Variants in DOCK1 observed in about 807,000 individuals in gnomAD.
DOCK1 encodes the protein dedicator of cytokinesis 1, also known as dedicator of cytokinesis protein 1.
A neutral mutation model predicts 262.7 loss-of-function variants in DOCK1; 138 were observed. The observed-to-expected ratio is 0.53, with a 90% CI of 0.46 to 0.61. The LOEUF (loss-of-function observed/expected upper bound fraction) is 0.61, where lower values mean the gene tolerates loss of function less well. Ranked by LOEUF, DOCK1 falls within the 20% of genes least tolerant of loss-of-function variation. The probability of loss-of-function intolerance (pLI) is 0.00; values close to 1 mark genes in which losing one functional copy is unlikely to be tolerated. For missense variants in DOCK1, 1,908 were observed against 2,370.7 expected (o/e 0.80, Z 4.05); for synonymous variants, 866 against 867.4 (o/e 1.00, Z 0.03).
At position 127,451,720 on chromosome 10, in the gene DOCK1, A is replaced by G. The variant is rs536249536; in HGVS notation, c.*293A>G. The G allele has an allele frequency of 4.3e-6, 2 of 468,280 alleles. No homozygotes were observed. The highest frequency in any genetic ancestry group is 7.1e-6 in the Non-Finnish European group (2 of 280,246). The allele number at this position is 468,280 out of a possible 1,614,324, so 29.0% of individuals were successfully genotyped here. A position where few individuals can be genotyped will look rare whatever the true frequency, so the allele number is the denominator to read the frequency against. On this transcript the variant is annotated 3_prime_UTR_variant, in exon 52 of 52. Coordinates refer to ENST00000623213, the MANE Select transcript of DOCK1 (RefSeq NM_001290223.2). The stretch of plus-strand genomic sequence containing the variant: ...GAGAGAGTCTGAGTCTTGCCCAAAC[A>G]TTCTTTCTTTTTGTGCCAAATGACT...
chr10:127,209,128 C>G (rs1278319471), intron 27 of DOCK1, among the ~76,000 whole-genome samples: 1 of 152,076 alleles, frequency 6.6e-6, no homozygotes, highest in Non-Finnish European at 1.5e-5. Flanking sequence ...GATCCAGAAT[C>G]AGTTCCTTGG....
At chr10:127,127,834 G>C in intron 27 of DOCK1, 70 bp downstream of exon 27, 1 of 1,357,724 alleles carries the variant, frequency 7.4e-7, no homozygotes, top group Non-Finnish European at 1.0e-6. Flanking sequence ...ACTGCTGTTT[G>C]AACATAGCTT....
intron 27 of DOCK1, among the ~76,000 whole-genome samples, chr10:127,234,273 AG>A: frequency 6.6e-6 from 1 of 152,302 alleles, no homozygotes; most frequent in Admixed American, 6.5e-5. Context: ...TGATGTATTT[AG>A]AAACCCTCTC....
intron 1 of DOCK1, among the ~76,000 whole-genome samples, chr10:126,931,213 T>A (rs1286574139): frequency 6.6e-6 from 1 of 152,164 alleles, no homozygotes; most frequent in African/African-American, 2.4e-5. Context: ...AAGCCTCTCA[T>A]GAGCTTAGAC....
At chr10:127,268,809 G>A (rs2060465608) in intron 29 of DOCK1, among the ~76,000 whole-genome samples, 3 of 152,138 alleles carry the variant, frequency 2.0e-5, no homozygotes, top group South Asian at 4.1e-4. Flanking sequence ...GAGCAAGATG[G>A]CATTGGAATC....
rs181079483 is a variant in DOCK1, at chr10:127,354,374, C to T, written c.3225-295C>T. On this transcript the variant is annotated intron_variant, in intron 31 of 51. Coordinates refer to ENST00000623213, the MANE Select transcript of DOCK1 (RefSeq NM_001290223.2). ...GCATGGAACCAAGCTCCCCCTTGGG[C>T]CCAGGAGCCAAGAGATTGAAGAAAG... is the stretch of plus-strand genomic sequence containing the variant. Among the ~76,000 whole-genome samples, 185 of 152,328 alleles carry T rather than the reference C, an allele frequency of 1.2e-3. 1 individual carries two copies. Among genetic ancestry groups the T allele is most frequent in the African/African-American group, 4.3e-3 (179 of 41,562 alleles).
In DOCK1 at chr10:127,104,307, C is replaced by G. The variant is rs557694116; in HGVS notation, c.2446-1924C>G. 3.9e-5 allele frequency among the ~76,000 whole-genome samples: 6 copies of G among 152,324 alleles called. No homozygotes were observed. In the East Asian group the frequency reaches 1.2e-3, roughly 29 times the overall value. On this transcript the variant is annotated intron_variant, in intron 23 of 51. Coordinates refer to ENST00000623213, the MANE Select transcript of DOCK1 (RefSeq NM_001290223.2). Reference sequence around the variant, plus strand: ...CAATTTATCAATTTTTTCTTTTACACATTGTGCTATTTGTATCATATCTAA... The same window carrying G: ...CAATTTATCAATTTTTTCTTTTACAGATTGTGCTATTTGTATCATATCTAA...
At chr10:126,960,801 C>CAG (rs1307305189) in intron 1 of DOCK1, among the ~76,000 whole-genome samples, 2 of 145,616 alleles carry the variant, frequency 1.4e-5, no homozygotes, top group African/African-American at 5.0e-5. Context: ...TACACACACA[C>CAG]ACACACACAT....
At chr10:127,406,184 G>A (rs1245697406) in intron 40 of DOCK1, among the ~76,000 whole-genome samples, 1 of 152,174 alleles carries the variant, frequency 6.6e-6, no homozygotes, top group Non-Finnish European at 1.5e-5. Context: ...CCTCTGGTAT[G>A]TAGGCACCAA....
At chr10:127,340,307 G>T (rs926262020) in intron 30 of DOCK1, among the ~76,000 whole-genome samples, 8 of 152,184 alleles carry the variant, frequency 5.3e-5, no homozygotes, top group African/African-American at 1.9e-4. Flanking sequence ...ACCCTTTGCT[G>T]CCTCTCACTG....
intron 35 of DOCK1, among the ~76,000 whole-genome samples, chr10:127,377,543 A>C (rs937955801): frequency 6.6e-6 from 1 of 152,192 alleles, no homozygotes; most frequent in African/African-American, 2.4e-5. Context: ...TACAAAACAC[A>C]GTTAGTGGAA....
intron 30 of DOCK1, among the ~76,000 whole-genome samples, chr10:127,342,095 T>C (rs556902567): frequency 3.5e-4 from 40 of 114,726 alleles, no homozygotes; most frequent in Admixed American, 5.6e-4. Flanking sequence ...GCTGTTGTTG[T>C]TGCTGCTGCT....
At position 127,100,991 on chromosome 10, in the gene DOCK1, A is replaced by C. The variant is rs1399411193; in HGVS notation, c.2446-5240A>C. Among the ~76,000 whole-genome samples the C allele has an allele frequency of 2.6e-5, 4 of 152,076 alleles. No individual in the cohort carries two copies. The highest frequency in any genetic ancestry group is 1.9e-4 in the East Asian group (1 of 5,142). ...GGCTTCATGATAGAAAGCAGGAGGC[A>C]GAGGGGTGAGAACTGAAGGCTCTGA... On this transcript the variant is annotated intron_variant, in intron 23 of 51. Transcript: ENST00000623213. The surrounding 1 kb of genome is among the most constrained non-coding windows in gnomAD (Gnocchi z 5.5).
At position 126,975,917 on chromosome 10, in the gene DOCK1, C is replaced by A. The variant is rs796549564; in HGVS notation, c.131-2031C>A. The stretch of plus-strand genomic sequence containing the variant: ...GACAGGAGTAAGCCACCACTCTTGG[C>A]CTCATTTTCTTACTATACTTAGTTG... On this transcript the variant is annotated intron_variant, in intron 2 of 51. Coordinates refer to ENST00000623213, the MANE Select transcript of DOCK1 (RefSeq NM_001290223.2). 2.7e-4 allele frequency among the ~76,000 whole-genome samples: 41 copies of A among 152,230 alleles called. 1 individual carries two copies. Among genetic ancestry groups the A allele is most frequent in the African/African-American group, 9.4e-4 (39 of 41,548 alleles).
chr10:127,414,401 G>A (rs2068038853), intron 43 of DOCK1, among the ~76,000 whole-genome samples: 1 of 152,200 alleles, frequency 6.6e-6, no homozygotes, highest in South Asian at 2.1e-4. Flanking sequence ...TGGAGTTTTT[G>A]TGCAATCCTT....
chr10:127,075,562 C>T (rs2046476882), intron 23 of DOCK1, among the ~76,000 whole-genome samples: 1 of 152,178 alleles, frequency 6.6e-6, no homozygotes, highest in Non-Finnish European at 1.5e-5. Flanking sequence ...CACAGTTCCA[C>T]AGGTTTAACG....
intron 19 of DOCK1, among the ~76,000 whole-genome samples, chr10:127,038,991 G>T (rs1399236184): frequency 6.6e-6 from 1 of 152,188 alleles, no homozygotes; most frequent in Non-Finnish European, 1.5e-5. Flanking sequence ...TCTGTGTGTT[G>T]CCGCCTCAGT....
At chr10:127,190,598 A>G (rs144121526) in intron 27 of DOCK1, among the ~76,000 whole-genome samples, 2 of 146,498 alleles carry the variant, frequency 1.4e-5, no homozygotes, top group Admixed American at 1.4e-4. Context: ...GATAATGAAA[A>G]ACTTATTTTT....
chr10:127,176,202 G>A lies in DOCK1; in HGVS notation c.2847+48438G>A. 6.2e-7 allele frequency: 1 copy of A among 1,614,146 alleles called. No homozygotes were observed. The highest frequency in any genetic ancestry group is 8.5e-7 in the Non-Finnish European group (1 of 1,180,034). ...CCGCTTCTCCCCCAGCTGGCCCGAGGACAGCTGTGTGTCCCTCTGCTCATT... is the reference window on the plus strand; with the variant it reads ...CCGCTTCTCCCCCAGCTGGCCCGAGAACAGCTGTGTGTCCCTCTGCTCATT... On this transcript the variant is annotated intron_variant, in intron 27 of 51. Transcript: ENST00000623213. The surrounding 1 kb of genome is among the most constrained non-coding windows in gnomAD (Gnocchi z 4.4).
Sources: allele counts gnomAD v4.1 joint callset (sites outside exome capture counted in the v4.1 genomes callset), GRCh38; gene constraint gnomAD v4.1.1; non-coding constraint Gnocchi (gnomAD v3.1); transcripts MANE v1.5; gene names NCBI Gene and HGNC (gene_info 2026-07-23, HGNC 2026-07-21).